CR1: variants seen among roughly 807,000 people sequenced by gnomAD.
CR1 encodes the protein complement receptor type 1.
CR1 carries 116 observed loss-of-function variants against 187.3 expected under a neutral mutation model. The ratio of observed to expected loss-of-function variants is 0.62; its 90% CI spans 0.53 to 0.72. The LOEUF (loss-of-function observed/expected upper bound fraction) is 0.72, where lower values mean the gene tolerates loss of function less well. Ranked by LOEUF, CR1 falls within the 30% of genes least tolerant of loss-of-function variation. CR1 has a pLI of 0.00. For missense variants in CR1, 1,731 were observed against 2,110.7 expected (o/e 0.82, Z 3.52); for synonymous variants, 576 against 747.1 (o/e 0.77, Z 3.73).
intron 23 of CR1, among the ~76,000 whole-genome samples, chr1:207,565,603 A>G (rs1203129115): frequency 6.7e-6 from 1 of 150,146 alleles, no homozygotes; most frequent in Non-Finnish European, 1.5e-5. Flanking sequence ...CTATGTCATG[A>G]CCACCTTTTT....
chr1:207,580,467 G>A (rs1660899311), intron 30 of CR1, 44 bp from the exon 31 acceptor site: 1 of 1,599,742 alleles, frequency 6.3e-7, no homozygotes, highest in Non-Finnish European at 8.5e-7. Flanking sequence ...CACACATGGA[G>A]GTCTTACTCC....
At position 207,639,625 on chromosome 1, in the gene CR1, T is replaced by C. The variant is rs1662920617; in HGVS notation, c.*216T>C. On this transcript the variant is annotated 3_prime_UTR_variant, in exon 47 of 47. Transcript: ENST00000367049. ...ACTGTGAAACCCCCACCCTTCTGCC[T>C]CGTGCTAAACGCACACAGTATCTAG... 1 of 527,534 alleles carries C rather than the reference T, an allele frequency of 1.9e-6. No homozygotes were observed. The highest frequency in any genetic ancestry group is 3.2e-5 in the Admixed American group (1 of 31,238). 32.7% of individuals were successfully genotyped at this position (527,534 alleles called of 1,614,324 possible).
chr1:207,593,495 CTA>C (rs1332087119), intron 35 of CR1, among the ~76,000 whole-genome samples: 3 of 152,192 alleles, frequency 2.0e-5, no homozygotes, highest in Non-Finnish European at 4.4e-5. Flanking sequence ...AGACCTAAAA[CTA>C]TAAAAACCCT....
chr1:207,620,285 T>C (rs932690736), intron 43 of CR1, among the ~76,000 whole-genome samples: 1 of 152,250 alleles, frequency 6.6e-6, no homozygotes, highest in Non-Finnish European at 1.5e-5. Flanking sequence ...TTTTTGTCTA[T>C]ATCACTTTGT....
intron 1 of CR1, among the ~76,000 whole-genome samples, chr1:207,502,549 T>C (rs1659303815): frequency 6.6e-6 from 1 of 152,110 alleles, no homozygotes; most frequent in South Asian, 2.1e-4. Flanking sequence ...GAAAAATGTG[T>C]GTCTTTGGGA....
intron 24 of CR1, 70 bp from the exon 25 acceptor site, chr1:207,567,754 C>T (rs1490655113): frequency 2.7e-5 from 43 of 1,589,076 alleles, no homozygotes; most frequent in Admixed American, 3.4e-5. Flanking sequence ...CCAATCATAG[C>T]ACCCTGTAAT....
At chr1:207,610,800 C>A (rs981870862) in intron 37 of CR1, among the ~76,000 whole-genome samples, 1 of 151,682 alleles carries the variant, frequency 6.6e-6, no homozygotes, top group Non-Finnish European at 1.5e-5. Flanking sequence ...ATTTATTAAT[C>A]TTTAATTTTT....
chr1:207,520,084 T>G (rs1350771716), intron 4 of CR1, among the ~76,000 whole-genome samples: 2 of 152,234 alleles, frequency 1.3e-5, no homozygotes, highest in South Asian at 2.1e-4. Flanking sequence ...TTATTTATAT[T>G]TACACCTTAG....
chr1:207,619,800 G>A, intron 42 of CR1, 80 bp from the exon 43 acceptor site: 1 of 1,301,478 alleles, frequency 7.7e-7, no homozygotes, highest in Non-Finnish European at 1.1e-6. Context: ...ATAGGTTTTG[G>A]CTATTTTCTC....
chr1:207,498,768 C>T (rs567658253), intron 1 of CR1, among the ~76,000 whole-genome samples: 76 of 150,710 alleles, frequency 5.0e-4, no homozygotes, highest in Non-Finnish European at 9.7e-4. Flanking sequence ...GTCCCAGCTA[C>T]TCGGGAGGCT....
intron 35 of CR1, among the ~76,000 whole-genome samples, chr1:207,599,792 T>C (rs1203018845): frequency 1.3e-5 from 2 of 152,190 alleles, no homozygotes; most frequent in East Asian, 1.9e-4. Context: ...TATACACATA[T>C]GTGTGTTTGA....
At chr1:207,511,160 C>T (rs1558217463) in intron 3 of CR1, among the ~76,000 whole-genome samples, 1 of 152,020 alleles carries the variant, frequency 6.6e-6, no homozygotes, top group Admixed American at 6.6e-5. Flanking sequence ...TGATAAAAGC[C>T]CATCCATGCA....
intron 1 of CR1, among the ~76,000 whole-genome samples, chr1:207,501,227 A>G (rs183939381): frequency 2.0e-5 from 3 of 152,328 alleles, no homozygotes; most frequent in Admixed American, 2.0e-4. Context: ...GGTTGCCTAG[A>G]GAAGGAAGTG....
chr1:207,585,537 T>C (rs1175726645), intron 33 of CR1, among the ~76,000 whole-genome samples: 1 of 152,146 alleles, frequency 6.6e-6, no homozygotes, highest in Non-Finnish European at 1.5e-5. Context: ...GCCTGGTCCT[T>C]CAGGGCAAAC....
chr1:207,632,103 C>A (rs1255365505), intron 46 of CR1, among the ~76,000 whole-genome samples: 1 of 152,202 alleles, frequency 6.6e-6, no homozygotes. Context: ...CTATTTTCTC[C>A]TATAATAGAA....
At position 207,502,424 on chromosome 1, in the gene CR1, AG is replaced by A. The variant is rs56261528; in HGVS notation, c.122-3478del. Among the ~76,000 whole-genome samples, 1,208 of 152,304 alleles carry A rather than the reference AG, an allele frequency of 7.9e-3. 16 individuals are homozygous for A. The highest frequency in any genetic ancestry group is 0.028 in the African/African-American group (1,157 of 41,556). ...GGTGTGTTCAGGGTGGTATGGCCAT[AG>A]GCAGGCTGGGGAAGGCTTCTATAAG... is the stretch of plus-strand genomic sequence containing the variant. On this transcript the variant is annotated intron_variant, in intron 1 of 46. Coordinates refer to ENST00000367049, the MANE Select transcript of CR1 (RefSeq NM_000651.6).
chr1:207,621,876 T>G, intron 43 of CR1, 97 bp from the exon 44 acceptor site: 3 of 979,048 alleles, frequency 3.1e-6, no homozygotes, highest in Non-Finnish European at 4.5e-6. Flanking sequence ...GACTGAGTCC[T>G]GAAGAAAAAT....
chr1:207,620,100 G>C (rs546315119), intron 43 of CR1, 35 bp downstream of exon 43: 1 of 1,584,176 alleles, frequency 6.3e-7, no homozygotes, highest in Non-Finnish European at 8.6e-7. Flanking sequence ...GGATCTTCCC[G>C]GTCATGGTTA....
intron 3 of CR1, among the ~76,000 whole-genome samples, chr1:207,508,939 T>G (rs1163892837): frequency 6.6e-6 from 1 of 152,228 alleles, no homozygotes. Context: ...TGTCCTCCAC[T>G]TTGGAGTGCT....
Sources: gnomAD v4.1 joint callset for allele counts (sites outside exome capture counted in the v4.1 genomes callset) on GRCh38, gnomAD v4.1.1 for gene constraint, MANE v1.5 for transcripts, NCBI Gene and HGNC (gene_info 2026-07-23, HGNC 2026-07-21) for gene names.